The following DDX6 variants were observed in gnomAD, a reference collection of about 807,000 sequenced individuals.
DDX6 encodes the protein probable ATP-dependent RNA helicase DDX6.
A neutral mutation model predicts 60.6 loss-of-function variants in DDX6; 7 were observed. The observed-to-expected ratio is 0.12, with a 90% confidence interval of 0.07 to 0.22. DDX6 has a LOEUF of 0.22. DDX6 is among the 10% of genes least tolerant of loss of function. DDX6 has a pLI of 1.00. For missense variants in DDX6, 270 were observed against 589.9 expected, an observed-to-expected ratio of 0.46 and a Z score of 5.62; for synonymous variants, 207 against 201.0, an observed-to-expected ratio of 1.03 and a Z score of -0.25.
At chr11:118,763,017 G>A in intron 7 of DDX6, among the ~76,000 whole-genome samples, 195 bp downstream of exon 7, 1 of 152,168 alleles carries the variant, frequency 6.6e-6, no homozygotes, top group East Asian at 1.9e-4. Flanking sequence ...AAGACAAAAT[G>A]CTGAATTCCA....
intron 4 of DDX6, among the ~76,000 whole-genome samples, chr11:118,776,339 G>A (rs371368553): frequency 6.6e-6 from 1 of 152,138 alleles, no homozygotes; most frequent in Non-Finnish European, 1.5e-5. Context: ...TAGGTCAGGA[G>A]TCTAAGACTT....
intron 5 of DDX6, chr11:118,767,568 G>A (rs1184472896): frequency 1.4e-5 from 2 of 145,424 alleles, no homozygotes; most frequent in African/African-American, 5.1e-5. Flanking sequence ...ACAAGAAATA[G>A]TTCCATAGTT....
chr11:118,782,780 G>A (rs1055335778), intron 2 of DDX6, among the ~76,000 whole-genome samples: 2 of 152,110 alleles, frequency 1.3e-5, no homozygotes, highest in Admixed American at 6.6e-5. Context: ...GAGCAGCTGG[G>A]ATTACAGGAG....
chr11:118,750,638 T>C lies in DDX6; in HGVS notation c.*1467A>G, dbSNP rs1341557018. ...TTCTGAAATGCAAATCTGTGCTTTA[T>C]ATATATACTGCTCAATGACACTGCC... On this transcript the variant is annotated 3_prime_UTR_variant, in exon 14 of 14. Transcript: ENST00000534980. The C allele has an allele frequency of 6.6e-6, 1 of 152,146 alleles. No homozygotes were observed. The highest frequency in any genetic ancestry group is 1.5e-5 in the Non-Finnish European group (1 of 68,024). The allele number at this position is 152,146 out of a possible 1,614,324, so 9.4% of individuals were successfully genotyped here.
In DDX6 at chr11:118,766,942, G is replaced by A. The variant is rs188854097; in HGVS notation, c.499+1281C>T. On this transcript the variant is annotated intron_variant, in intron 5 of 13. Transcript: ENST00000534980. Reference sequence around the variant, plus strand: ...GCTCTGTTACCCAGGCTGGAGTGCAGTGACATGATCTTGGCTGACTGCAAC... The same window carrying A: ...GCTCTGTTACCCAGGCTGGAGTGCAATGACATGATCTTGGCTGACTGCAAC... Among the ~76,000 whole-genome samples the A allele has an allele frequency of 4.0e-3, 604 of 149,274 alleles. 4 individuals are homozygous for A. Among genetic ancestry groups the A allele is most frequent in the Non-Finnish European group, 6.0e-3 (403 of 67,632 alleles).
intron 4 of DDX6, among the ~76,000 whole-genome samples, chr11:118,779,252 C>T (rs1355015364): frequency 2.7e-5 from 4 of 150,366 alleles, no homozygotes; most frequent in Admixed American, 6.6e-5. Context: ...ACTAGGGAAA[C>T]GCTAATGACT....
chr11:118,769,786 G>C (rs1391888932), intron 4 of DDX6, among the ~76,000 whole-genome samples: 1 of 152,026 alleles, frequency 6.6e-6, no homozygotes, highest in South Asian at 2.1e-4. Flanking sequence ...CTCACTGCAA[G>C]CTCTGGCTCC....
At chr11:118,757,905 T>C (rs1195556391) in intron 9 of DDX6, among the ~76,000 whole-genome samples, 3 of 152,156 alleles carry the variant, frequency 2.0e-5, no homozygotes, top group African/African-American at 4.8e-5. Context: ...ATACCTTCTT[T>C]AATATACTCA....
chr11:118,750,361 C>A lies in DDX6; in HGVS notation c.*1744G>T, dbSNP rs1473080269. 1 of 152,094 alleles carries A rather than the reference C, an allele frequency of 6.6e-6. No homozygotes were observed. Among genetic ancestry groups the A allele is most frequent in the Non-Finnish European group, 1.5e-5 (1 of 68,008 alleles). 9.4% of individuals were successfully genotyped at this position (152,094 alleles called of 1,614,324 possible). A position where few individuals can be genotyped will look rare whatever the true frequency, so the allele number is the denominator to read the frequency against. On this transcript the variant is annotated 3_prime_UTR_variant, in exon 14 of 14. Coordinates refer to ENST00000534980, the MANE Select transcript of DDX6 (RefSeq NM_004397.6). ...TTGGGAGGGGCACAATTTAAAGCAA[C>A]ACTATTGACTGTAAAGCATCTGCCA...
At chr11:118,763,341 A>T (rs1393527338) in intron 6 of DDX6, 35 bp from the exon 7 acceptor site, 6 of 1,496,652 alleles carry the variant, frequency 4.0e-6, no homozygotes, top group Non-Finnish European at 5.6e-6. Flanking sequence ...ATTCTCATTA[A>T]TTTTAATTTG....
chr11:118,753,202 G>GT (rs1201462128), intron 13 of DDX6, among the ~76,000 whole-genome samples: 1 of 151,286 alleles, frequency 6.6e-6, no homozygotes, highest in Non-Finnish European at 1.5e-5. Context: ...CTAATTTTCT[G>GT]TATCTTTAGT....
Position 118,757,178 on chromosome 11 carries a change from AT to A in DDX6, c.1102del (p.Met368Ter). The A allele has an allele frequency of 1.3e-6, 2 of 1,544,186 alleles. No individual in the cohort carries two copies. The highest frequency in any genetic ancestry group is 1.3e-5 in the South Asian group (1 of 78,970). ...GYSCFYIHAK[M>X]RQEHRNRVFH... ...TTCTAGTTTTATACTCACCTGCCTC[AT>A]TTTAGCATGAATATAGAAGCAAGAA... is the stretch of plus-strand genomic sequence containing the variant. On this transcript the variant is annotated frameshift_variant, in exon 10 of 14. Transcript: ENST00000534980. LOFTEE classifies it high-confidence loss of function.
chr11:118,754,476 T>A (rs1449463407), intron 13 of DDX6: 1 of 442,856 alleles, frequency 2.3e-6, no homozygotes, highest in Non-Finnish European at 4.0e-6. Context: ...ATTTAAGTAC[T>A]GCTAATCTAC....
At chr11:118,779,244 T>C (rs2137527619) in intron 4 of DDX6, among the ~76,000 whole-genome samples, 1 of 150,268 alleles carries the variant, frequency 6.7e-6, no homozygotes, top group Admixed American at 6.6e-5. Flanking sequence ...GAACAAACAC[T>C]AGGGAAACGC....
At chr11:118,756,169 T>A (rs1019122044) in intron 11 of DDX6, 91 bp downstream of exon 11, 5 of 943,934 alleles carry the variant, frequency 5.3e-6, no homozygotes, top group Non-Finnish European at 6.7e-6. Context: ...TGTCGGACTA[T>A]GTCACAGGTT....
chr11:118,772,489 G>C (rs1301774177), intron 4 of DDX6, among the ~76,000 whole-genome samples: 1 of 152,194 alleles, frequency 6.6e-6, no homozygotes, highest in African/African-American at 2.4e-5. Context: ...TGGTTGTTTA[G>C]GGGTGTGGGA....
At chr11:118,765,800 C>G (rs57482797) in intron 5 of DDX6, among the ~76,000 whole-genome samples, 149,371 of 149,686 alleles carry the variant, frequency 1, 74,528 homozygotes, top group Middle Eastern at 1. Flanking sequence ...AAAAAAATAG[C>G]CTAGGCACGG....
Position 118,760,054 on chromosome 11 carries a change from A to G in DDX6, c.742-10T>C. The stretch of plus-strand genomic sequence containing the variant: ...ACAGCAACTTATCTGCCTGCAGTAG[A>G]AAGAAAAGACAATTTTAAAAACAAT... On this transcript the variant is annotated splice_polypyrimidine_tract_variant and intron_variant, in intron 7 of 13. Transcript: ENST00000534980. 7 of 1,609,164 alleles carry G rather than the reference A, an allele frequency of 4.4e-6. No homozygotes were observed. In the South Asian group the frequency reaches 7.8e-5, roughly 18 times the overall value.
chr11:118,765,084 C>G, intron 6 of DDX6, 125 bp downstream of exon 6: 1 of 1,119,216 alleles, frequency 8.9e-7, no homozygotes, highest in Non-Finnish European at 1.3e-6. Context: ...ATGCAGTGGT[C>G]ATTTCCTTTT....
Sources: allele counts gnomAD v4.1 joint callset (sites outside exome capture counted in the v4.1 genomes callset), GRCh38; gene constraint gnomAD v4.1.1; transcripts MANE v1.5; gene names NCBI Gene and HGNC (gene_info 2026-07-23, HGNC 2026-07-21).